LRMDA: variants seen among roughly 807,000 people sequenced by gnomAD.
The protein encoded by LRMDA is leucine-rich melanocyte differentiation-associated protein.
LRMDA carries 18 observed loss-of-function variants against 29.8 expected under a neutral mutation model. The observed-to-expected ratio is 0.60, with a 90% CI of 0.42 to 0.90. LRMDA has a LOEUF of 0.90. LRMDA is among the 40% of genes least tolerant of loss of function. The pLI is 0.00. For missense variants in LRMDA, 273 were observed against 273.9 expected (o/e 1.00, Z 0.02); for synonymous variants, 125 against 109.4 (o/e 1.14, Z -0.89).
At chr10:76,435,696 C>G (rs1842237987) in intron 6 of LRMDA, among the ~76,000 whole-genome samples, 1 of 152,186 alleles carries the variant, frequency 6.6e-6, no homozygotes, top group African/African-American at 2.4e-5. Context: ...ACTCTTCACA[C>G]AAATGTCCCA....
intron 3 of LRMDA, among the ~76,000 whole-genome samples, chr10:76,044,439 G>GT (rs3042545): frequency 0.071 from 9,728 of 136,870 alleles, 398 homozygotes; most frequent in East Asian, 0.17. Flanking sequence ...TTTTTTCTTT[G>GT]TTTTTTTTTT....
chr10:76,147,944 G>C (rs768548553), intron 5 of LRMDA, among the ~76,000 whole-genome samples: 4 of 152,198 alleles, frequency 2.6e-5, no homozygotes, highest in Non-Finnish European at 5.9e-5. Flanking sequence ...GTTTGCTAGA[G>C]GTCCACTCTA....
At position 76,317,225 on chromosome 10, in the gene LRMDA, G is replaced by GT. The variant is rs550819017; in HGVS notation, c.517-7169dup. Among the ~76,000 whole-genome samples the GT allele has an allele frequency of 2.2e-3, 336 of 152,270 alleles. 1 individual carries two copies. Among genetic ancestry groups the GT allele is most frequent in the Non-Finnish European group, 3.6e-3 (242 of 68,016 alleles). ...TGTTACTGATCTTTCCTAAGTGTCA[G>GT]TTTTTTTCATTTTTCAAATGAGAGG... On this transcript the variant is annotated intron_variant, in intron 5 of 6. Transcript: ENST00000611255.
intron 2 of LRMDA, among the ~76,000 whole-genome samples, chr10:75,672,232 G>A (rs1841899219): frequency 6.6e-6 from 1 of 152,038 alleles, no homozygotes; most frequent in Admixed American, 6.5e-5. Context: ...AGAATGTTTT[G>A]GCTCTGAGAT....
intron 6 of LRMDA, among the ~76,000 whole-genome samples, chr10:76,468,450 T>G (rs1842585680): frequency 6.6e-6 from 1 of 152,106 alleles, no homozygotes; most frequent in African/African-American, 2.4e-5. Flanking sequence ...TGGAGGATAT[T>G]TCTGTTTTAT....
At chr10:76,337,898 T>C (rs949176203) in intron 6 of LRMDA, among the ~76,000 whole-genome samples, 2 of 152,202 alleles carry the variant, frequency 1.3e-5, no homozygotes, top group Non-Finnish European at 2.9e-5. Flanking sequence ...AGTTTCATTT[T>C]ACTGCTTACA....
chr10:75,578,245 A>G (rs1468478961), intron 2 of LRMDA, among the ~76,000 whole-genome samples: 4 of 146,652 alleles, frequency 2.7e-5, no homozygotes, highest in Non-Finnish European at 3.0e-5. Flanking sequence ...AAAAAGCAGC[A>G]GTTGCAATTG....
intron 2 of LRMDA, among the ~76,000 whole-genome samples, chr10:75,889,606 C>T (rs1433677255): frequency 6.6e-6 from 1 of 152,154 alleles, no homozygotes; most frequent in Non-Finnish European, 1.5e-5. Context: ...GGTGATTGTG[C>T]AATTGTGCCA....
intron 6 of LRMDA, among the ~76,000 whole-genome samples, chr10:76,487,906 A>G (rs536816947): frequency 9.2e-5 from 14 of 152,016 alleles, no homozygotes; most frequent in Non-Finnish European, 1.5e-4. Flanking sequence ...CTCTCTAGCC[A>G]TCAGTTTCCT....
At chr10:76,398,749 A>C (rs905538288) in intron 6 of LRMDA, among the ~76,000 whole-genome samples, 4 of 152,228 alleles carry the variant, frequency 2.6e-5, no homozygotes, top group African/African-American at 9.6e-5. Context: ...TTCGTACCAG[A>C]TAACAACTGG....
At chr10:76,058,449 G>A (rs1848650719) in intron 4 of LRMDA, among the ~76,000 whole-genome samples, 1 of 152,216 alleles carries the variant, frequency 6.6e-6, no homozygotes, top group South Asian at 2.1e-4. Flanking sequence ...ATTAGTGTGT[G>A]CTTCTAATGT....
intron 2 of LRMDA, among the ~76,000 whole-genome samples, chr10:75,856,529 T>G (rs1429355148): frequency 6.6e-6 from 1 of 152,170 alleles, no homozygotes; most frequent in Non-Finnish European, 1.5e-5. Flanking sequence ...TGGTTCAACA[T>G]ATGCAAATCA....
intron 5 of LRMDA, among the ~76,000 whole-genome samples, chr10:76,204,546 T>C (rs1851499765): frequency 6.6e-6 from 1 of 152,220 alleles, no homozygotes; most frequent in Non-Finnish European, 1.5e-5. Context: ...AAATAGCAAA[T>C]GAGGAAAGTG....
Position 76,557,260 on chromosome 10 carries a change from A to G in LRMDA, c.653A>G (p.Asn218Ser). The G allele has an allele frequency of 6.2e-7, 1 of 1,614,182 alleles. No individual in the cohort carries two copies. Among genetic ancestry groups the G allele is most frequent in the South Asian group, 1.1e-5 (1 of 91,086 alleles). The change falls in exon 7 of 7, where the codon AAC becomes AGC. Residue 218 changes from asparagine to serine, a missense_variant. Coordinates refer to ENST00000611255, the MANE Select transcript of LRMDA (RefSeq NM_001305581.2). ...YVYYGKNSEG[N>S]RFIRDDQL ...TACTATGGGAAAAACTCAGAGGGCA[A>G]CAGGTTTATCCGAGATGACCAGCTC...
At chr10:75,826,158 A>G (rs1844243635) in intron 2 of LRMDA, among the ~76,000 whole-genome samples, 1 of 152,200 alleles carries the variant, frequency 6.6e-6, no homozygotes, top group African/African-American at 2.4e-5. Context: ...ACTGTGATTT[A>G]TTGGCTACAT....
chr10:75,795,565 G>T (rs1843639109), intron 2 of LRMDA, among the ~76,000 whole-genome samples: 1 of 152,054 alleles, frequency 6.6e-6, no homozygotes, highest in Non-Finnish European at 1.5e-5. Flanking sequence ...GTCTATTATT[G>T]TGTTATCTGC....
chr10:75,812,404 G>A (rs1185077741), intron 2 of LRMDA, among the ~76,000 whole-genome samples: 2 of 152,000 alleles, frequency 1.3e-5, no homozygotes, highest in Non-Finnish European at 2.9e-5. Context: ...ACATATTTAC[G>A]ATTGTGTGTT....
At chr10:76,024,652 G>A (rs1435001563) in intron 2 of LRMDA, among the ~76,000 whole-genome samples, 1 of 152,208 alleles carries the variant, frequency 6.6e-6, no homozygotes, top group Admixed American at 6.5e-5. Context: ...TTCCAGGGGG[G>A]CCCTGCCCGT....
chr10:76,063,375 G>A (rs1051516790), intron 5 of LRMDA, among the ~76,000 whole-genome samples: 7 of 152,130 alleles, frequency 4.6e-5, no homozygotes, highest in Non-Finnish European at 1.0e-4. Context: ...ATCTCTCTGT[G>A]TGTATACATA....
Sources: allele counts gnomAD v4.1 joint callset (sites outside exome capture counted in the v4.1 genomes callset), GRCh38; gene constraint gnomAD v4.1.1; transcripts MANE v1.5; gene names NCBI Gene and HGNC (gene_info 2026-07-23, HGNC 2026-07-21).